The following CACNG2 variants were observed in gnomAD, a reference collection of about 807,000 sequenced individuals.
The protein encoded by CACNG2 is voltage-dependent calcium channel gamma-2 subunit.
A neutral mutation model predicts 25.9 loss-of-function variants in CACNG2; 3 were observed. That is an observed-to-expected ratio of 0.12 (90% confidence interval 0.05 to 0.30). The LOEUF is 0.30. Among genes scored for constraint, CACNG2 ranks in the 10% least tolerant of loss-of-function variants. CACNG2 has a pLI of 1.00. For missense variants in CACNG2, 341 were observed against 432.5 expected (o/e 0.79, Z 1.88); for synonymous variants, 167 against 173.3 (o/e 0.96, Z 0.29).
intron 1 of CACNG2, among the ~76,000 whole-genome samples, chr22:36,696,876 G>A (rs1318182232): frequency 6.6e-6 from 1 of 152,184 alleles, no homozygotes; most frequent in Admixed American, 6.5e-5. Flanking sequence ...AGATAAGGAA[G>A]CTGAGGGTTA....
In CACNG2 at chr22:36,640,517, C is replaced by T. The variant is rs368702976; in HGVS notation, c.212-52969G>A. On this transcript the variant is annotated intron_variant, in intron 1 of 3. Transcript: ENST00000300105. ...GCAGCTGGACAGCCTGCAGGGCTCA[C>T]GCTTGGCTGCTTACTAGCCAGCTGG... is the stretch of plus-strand genomic sequence containing the variant. 5.1e-4 allele frequency among the ~76,000 whole-genome samples: 78 copies of T among 152,332 alleles called. No homozygotes were observed. In the East Asian group the frequency reaches 6.2e-3, roughly 12 times the overall value.
intron 1 of CACNG2, among the ~76,000 whole-genome samples, chr22:36,638,191 G>T (rs1936387330): frequency 6.6e-6 from 1 of 152,096 alleles, no homozygotes; most frequent in Admixed American, 6.5e-5. Context: ...TGGCCCAGGC[G>T]ACTCCCATTG....
chr22:36,604,582 C>T lies in CACNG2; in HGVS notation c.212-17034G>A, dbSNP rs568922653. On this transcript the variant is annotated intron_variant, in intron 1 of 3. Transcript: ENST00000300105. ...AAATTGGCACAACCACCCCAACCTT[C>T]AGCAACCACCACCCTGGTCAATCAG... is the stretch of plus-strand genomic sequence containing the variant. Among the ~76,000 whole-genome samples, 79 of 152,342 alleles carry T rather than the reference C, an allele frequency of 5.2e-4. No individual in the cohort carries two copies. The South Asian group carries it at 7.2e-3, about 14-fold the overall frequency.
intron 1 of CACNG2, among the ~76,000 whole-genome samples, chr22:36,698,055 AT>A (rs1379805025): frequency 6.6e-6 from 1 of 152,124 alleles, no homozygotes; most frequent in Non-Finnish European, 1.5e-5. Flanking sequence ...ATAATAGTGG[AT>A]TCATGACTCA....
intron 1 of CACNG2, among the ~76,000 whole-genome samples, chr22:36,681,214 T>C (rs998516265): frequency 6.6e-6 from 1 of 152,156 alleles, no homozygotes; most frequent in Non-Finnish European, 1.5e-5. Flanking sequence ...CCACCTTCTT[T>C]CTGTTGGTTT....
Position 36,564,902 on chromosome 22 carries a change from T to C in CACNG2, c.437-16A>G. 1 of 1,606,776 alleles carries C rather than the reference T, an allele frequency of 6.2e-7. No homozygotes were observed. The highest frequency in any genetic ancestry group is 8.5e-7 in the Non-Finnish European group (1 of 1,178,796). ...TTACTCAGACCTGCGGGGCGCAGGGTGGCGGGGTGGGGGATCAGAGAGAAG... is the reference window on the plus strand; with the variant it reads ...TTACTCAGACCTGCGGGGCGCAGGGCGGCGGGGTGGGGGATCAGAGAGAAG... On this transcript the variant is annotated splice_polypyrimidine_tract_variant and intron_variant, in intron 3 of 3. Transcript: ENST00000300105. This position sits in a 1 kb window ranked among gnomAD's most constrained non-coding sequence, Gnocchi z 6.7.
At chr22:36,658,253 T>G (rs1321175196) in intron 1 of CACNG2, among the ~76,000 whole-genome samples, 2 of 152,176 alleles carry the variant, frequency 1.3e-5, no homozygotes, top group South Asian at 4.1e-4. Context: ...TAGTCTTTAT[T>G]TGAAGGAAGA....
rs192805446 is a variant in CACNG2, at chr22:36,683,808, C to T, written c.211+18558G>A. Among the ~76,000 whole-genome samples, 396 of 152,246 alleles carry T rather than the reference C, an allele frequency of 2.6e-3. 4 individuals are homozygous for T. The highest frequency in any genetic ancestry group is 9.4e-3 in the African/African-American group (389 of 41,536). Reference sequence around the variant, plus strand: ...AAACCAAAGGGAAAATCCTTCAGTACAAATCAGTGTGTCAACAAGGGAGGC... The same window carrying T: ...AAACCAAAGGGAAAATCCTTCAGTATAAATCAGTGTGTCAACAAGGGAGGC... On this transcript the variant is annotated intron_variant, in intron 1 of 3. Transcript: ENST00000300105.
At chr22:36,565,071 T>A (rs1935103905) in intron 3 of CACNG2, among the ~76,000 whole-genome samples, 185 bp from the exon 4 acceptor site, 1 of 152,204 alleles carries the variant, frequency 6.6e-6, no homozygotes, top group Non-Finnish European at 1.5e-5. Flanking sequence ...CATTTTATCT[T>A]TCCATTCAGA....
chr22:36,629,678 T>A (rs926069175), intron 1 of CACNG2, among the ~76,000 whole-genome samples: 6 of 152,086 alleles, frequency 3.9e-5, no homozygotes, highest in Non-Finnish European at 8.8e-5. Context: ...AGTCATTTGT[T>A]CATTCACTTC....
chr22:36,566,171 C>T (rs949963712), intron 3 of CACNG2, among the ~76,000 whole-genome samples, 182 bp downstream of exon 3: 1 of 152,166 alleles, frequency 6.6e-6, no homozygotes, highest in African/African-American at 2.4e-5. Flanking sequence ...TTGGTACAGG[C>T]TCGGGAGTTG....
intron 1 of CACNG2, among the ~76,000 whole-genome samples, chr22:36,656,202 C>A (rs934794388): frequency 6.6e-6 from 1 of 152,092 alleles, no homozygotes; most frequent in South Asian, 2.1e-4. Flanking sequence ...AATAGACTCA[C>A]CTTATGATTT....
At chr22:36,566,916 C>T (rs1285471588) in intron 2 of CACNG2, among the ~76,000 whole-genome samples, 1 of 152,238 alleles carries the variant, frequency 6.6e-6, no homozygotes, top group East Asian at 1.9e-4. Context: ...TCTTCTTCAT[C>T]CTTCAAAACC....
intron 1 of CACNG2, among the ~76,000 whole-genome samples, chr22:36,642,813 G>A (rs1309263109): frequency 2.0e-5 from 3 of 152,180 alleles, no homozygotes; most frequent in Non-Finnish European, 4.4e-5. Context: ...AGCTAACCCA[G>A]CACCGATGCA....
At chr22:36,578,916 C>T (rs1485574834) in intron 2 of CACNG2, among the ~76,000 whole-genome samples, 1 of 151,524 alleles carries the variant, frequency 6.6e-6, no homozygotes, top group Non-Finnish European at 1.5e-5. Context: ...GTTCACAGTC[C>T]GTGGGGAGAA....
chr22:36,596,289 T>C (rs375563284), intron 1 of CACNG2, among the ~76,000 whole-genome samples: 2 of 152,236 alleles, frequency 1.3e-5, no homozygotes, highest in Admixed American at 6.5e-5. Context: ...ACGGCAGGGA[T>C]TCGGGAGGCC....
Position 36,703,238 on chromosome 22 carries a change from AGCGGCG to A in CACNG2, c.-668_-663del, listed in dbSNP as rs538190446. 2.2e-3 allele frequency: 342 copies of A among 154,612 alleles called. 3 individuals carry two copies. The highest frequency in any genetic ancestry group is 6.9e-3 in the African/African-American group (276 of 39,994). 9.6% of individuals were successfully genotyped at this position (154,612 alleles called of 1,614,324 possible). ...TCGCTTTCCATGGTTTTGCCCGGGC[AGCGGCG>A]GCGGCGGCGGCGGCGGCGGCAGGGC... is the stretch of plus-strand genomic sequence containing the variant. On this transcript the variant is annotated 5_prime_UTR_variant, in exon 1 of 4. Transcript: ENST00000300105.
At chr22:36,600,161 C>T (rs963926336) in intron 1 of CACNG2, among the ~76,000 whole-genome samples, 1 of 152,232 alleles carries the variant, frequency 6.6e-6, no homozygotes, top group Non-Finnish European at 1.5e-5. Context: ...CTGAGCCACA[C>T]TCCCATGGAG....
chr22:36,602,896 A>T (rs1210021828), intron 1 of CACNG2, among the ~76,000 whole-genome samples: 1 of 151,898 alleles, frequency 6.6e-6, no homozygotes, highest in Admixed American at 6.6e-5. Flanking sequence ...CTAAGACATG[A>T]CAATACTGAA....
Sources: gnomAD v4.1 joint callset for allele counts (sites outside exome capture counted in the v4.1 genomes callset) on GRCh38, gnomAD v4.1.1 for gene constraint, Gnocchi (gnomAD v3.1) non-coding constraint, MANE v1.5 for transcripts, NCBI Gene and HGNC (gene_info 2026-07-23, HGNC 2026-07-21) for gene names.